Variants in AGBL4 observed in about 807,000 individuals in gnomAD.
AGBL4 encodes the protein cytosolic carboxypeptidase 6.
Under a neutral mutation model 66.4 loss-of-function variants are expected in AGBL4, and 58 were observed. The ratio of observed to expected loss-of-function variants is 0.87; its 90% CI spans 0.71 to 1.09. AGBL4 has a LOEUF of 1.09. Among genes scored for constraint, AGBL4 ranks in the 50% least tolerant of loss-of-function variants. The probability of loss-of-function intolerance (pLI) is 0.00; values close to 1 mark genes in which losing one functional copy is unlikely to be tolerated. For synonymous variants in AGBL4, 234 were observed against 222.9 expected (o/e 1.05, Z -0.44); for missense variants, 579 against 631.0 (o/e 0.92, Z 0.88).
At chr1:48,844,530 A>G (rs773486692) in intron 6 of AGBL4, among the ~76,000 whole-genome samples, 4 of 152,232 alleles carry the variant, frequency 2.6e-5, no homozygotes, top group Non-Finnish European at 5.9e-5. Flanking sequence ...GTTAACAGGA[A>G]AGACAAAGAT....
chr1:48,764,536 A>G (rs1644436703), intron 6 of AGBL4, among the ~76,000 whole-genome samples: 1 of 152,188 alleles, frequency 6.6e-6, no homozygotes. Flanking sequence ...GTTCAGTTAT[A>G]AGCAGGAGGG....
chr1:48,533,064 A>G lies in AGBL4; in HGVS notation c.*1109T>C, dbSNP rs572907370. On this transcript the variant is annotated 3_prime_UTR_variant, in exon 14 of 14. Transcript: ENST00000371839. ...AACAAACAAACAAACAAACAAACAA[A>G]CAAAAAATGCTTTAGTGGAGCTCTG... The G allele has an allele frequency of 1.6e-4, 25 of 152,878 alleles. No homozygotes were observed. The East Asian group carries it at 4.6e-3, about 28-fold the overall frequency. 9.5% of individuals were successfully genotyped at this position (152,878 alleles called of 1,614,324 possible). A position where few individuals can be genotyped will look rare whatever the true frequency, so the allele number is the denominator to read the frequency against.
chr1:49,452,495 C>G (rs557242945), intron 3 of AGBL4, among the ~76,000 whole-genome samples: 4 of 152,042 alleles, frequency 2.6e-5, no homozygotes, highest in African/African-American at 9.6e-5. Context: ...TTCTCCCACA[C>G]CCACCTGATG....
intron 9 of AGBL4, among the ~76,000 whole-genome samples, chr1:48,610,330 T>C (rs1645218125): frequency 6.6e-6 from 1 of 152,108 alleles, no homozygotes; most frequent in South Asian, 2.1e-4. Context: ...GTATGAATTA[T>C]CCCAGCTACC....
chr1:49,531,964 T>C (rs1361457785), intron 3 of AGBL4, among the ~76,000 whole-genome samples: 2 of 152,122 alleles, frequency 1.3e-5, no homozygotes, highest in South Asian at 2.1e-4. Flanking sequence ...AAAAGGTATA[T>C]ACAATACACT....
intron 3 of AGBL4, chr1:49,257,518 C>T (rs12048420): frequency 0.019 from 2,881 of 152,944 alleles, 42 homozygotes; most frequent in African/African-American, 0.043. Flanking sequence ...TTCCTAAGCC[C>T]GTCAGAAAAG....
Position 49,398,884 on chromosome 1 carries a change from G to T in AGBL4, c.283-153020C>A, listed in dbSNP as rs529551560. 5.9e-5 allele frequency among the ~76,000 whole-genome samples: 9 copies of T among 152,196 alleles called. No homozygotes were observed. In the East Asian group the frequency reaches 7.7e-4, roughly 13 times the overall value. On this transcript the variant is annotated intron_variant, in intron 3 of 13. Transcript: ENST00000371839. Reference sequence around the variant, plus strand: ...CTTTTAGTTATTTTTAAAATGTACAGTTATATTATTTCTGACTATAGTCAG... The same window carrying T: ...CTTTTAGTTATTTTTAAAATGTACATTTATATTATTTCTGACTATAGTCAG...
chr1:49,614,823 A>C (rs1052499870), intron 3 of AGBL4, among the ~76,000 whole-genome samples: 3 of 152,158 alleles, frequency 2.0e-5, no homozygotes, highest in Non-Finnish European at 2.9e-5. Flanking sequence ...TCTTTTATGT[A>C]ACTGTTTTAT....
chr1:49,292,436 G>A (rs1407187239), intron 3 of AGBL4, among the ~76,000 whole-genome samples: 1 of 152,172 alleles, frequency 6.6e-6, no homozygotes, highest in South Asian at 2.1e-4. Flanking sequence ...ACTAGAGGGG[G>A]AACTTACGGT....
chr1:48,542,152 C>G (rs952849004), intron 11 of AGBL4, among the ~76,000 whole-genome samples: 1 of 152,168 alleles, frequency 6.6e-6, no homozygotes, highest in Non-Finnish European at 1.5e-5. Flanking sequence ...TCATCCATGT[C>G]CCTGCAAAGC....
intron 1 of AGBL4, among the ~76,000 whole-genome samples, chr1:49,899,620 T>G (rs902794532): frequency 6.6e-6 from 1 of 151,278 alleles, no homozygotes. Context: ...GGACATCATA[T>G]TAAATGACGG....
chr1:49,166,795 AC>A, intron 4 of AGBL4, among the ~76,000 whole-genome samples: 1 of 152,102 alleles, frequency 6.6e-6, no homozygotes, highest in East Asian at 1.9e-4. Flanking sequence ...AGGAGTCTTA[AC>A]CCTTTGTTAC....
At chr1:48,958,927 A>G (rs977994873) in intron 5 of AGBL4, among the ~76,000 whole-genome samples, 12 of 152,258 alleles carry the variant, frequency 7.9e-5, no homozygotes, top group South Asian at 2.1e-4. Flanking sequence ...TTAGCCAACC[A>G]TCTGTATTTT....
chr1:49,749,594 A>T (rs1651285147), intron 2 of AGBL4, among the ~76,000 whole-genome samples: 1 of 152,196 alleles, frequency 6.6e-6, no homozygotes, highest in Non-Finnish European at 1.5e-5. Context: ...TAACTGCAGT[A>T]GCAACAAGCA....
chr1:49,456,371 G>T (rs1368104886), intron 3 of AGBL4, among the ~76,000 whole-genome samples: 2 of 151,702 alleles, frequency 1.3e-5, no homozygotes, highest in African/African-American at 4.8e-5. Flanking sequence ...ACGAACAGCT[G>T]CAAGGCCCTC....
At chr1:50,002,094 C>A (rs1660797514) in intron 1 of AGBL4, among the ~76,000 whole-genome samples, 1 of 152,028 alleles carries the variant, frequency 6.6e-6, no homozygotes, top group Non-Finnish European at 1.5e-5. Flanking sequence ...TAAATAAGTT[C>A]TTGAAAGTAA....
At chr1:49,865,931 G>A (rs977137778) in intron 1 of AGBL4, 16 of 408,372 alleles carry the variant, frequency 3.9e-5, no homozygotes, top group African/African-American at 2.7e-4. Context: ...TGAAGGAGCT[G>A]AAAAACACAA....
rs180877032 is a variant in AGBL4, at chr1:48,650,375, T to G, written c.839+2962A>C. 2.2e-3 allele frequency among the ~76,000 whole-genome samples: 330 copies of G among 152,290 alleles called. 2 individuals carry two copies. The highest frequency in any genetic ancestry group is 7.7e-3 in the African/African-American group (320 of 41,556). ...AGACCTGGCCACCCGTCTTCCAACA[T>G]GTTTCCAGCAATTTGATCAGTTCCT... On this transcript the variant is annotated intron_variant, in intron 8 of 13. Coordinates refer to ENST00000371839, the MANE Select transcript of AGBL4 (RefSeq NM_032785.4).
intron 2 of AGBL4, among the ~76,000 whole-genome samples, chr1:49,721,094 CTG>C (rs1018970381): frequency 1.3e-4 from 20 of 152,064 alleles, no homozygotes; most frequent in African/African-American, 4.6e-4. Context: ...AATCAGCACT[CTG>C]TAAAAACGCA....
Sources: allele counts gnomAD v4.1 joint callset (sites outside exome capture counted in the v4.1 genomes callset), GRCh38; gene constraint gnomAD v4.1.1; transcripts MANE v1.5; gene names NCBI Gene and HGNC (gene_info 2026-07-23, HGNC 2026-07-21).